Variants in POLM observed in about 807,000 individuals in gnomAD.
POLM encodes DNA polymerase mu, also known as DNA-directed DNA/RNA polymerase mu.
A neutral mutation model predicts 56.7 loss-of-function variants in POLM; 52 were observed. The observed-to-expected ratio is 0.92, with a 90% confidence interval of 0.73 to 1.15. The LOEUF is 1.15. Among genes scored for constraint, POLM ranks in the 50% most tolerant of loss-of-function variants. POLM has a pLI of 0.00. For synonymous variants in POLM, 273 were observed against 274.3 expected (o/e 1.00, Z 0.05); for missense variants, 660 against 663.6 (o/e 0.99, Z 0.06).
chr7:44,082,417 C>G lies in POLM; in HGVS notation c.22G>C (p.Ala8Pro). Residue 8 changes from alanine (A) to proline (P), a missense_variant, in exon 1 of 11, where the codon GCG (alanine) becomes CCG (proline). Coordinates refer to ENST00000242248, the MANE Select transcript of POLM (RefSeq NM_013284.4). ...TCGCCGCTAGGGGACCCGACCCGCGCTCGCCGCCGTTTGGGGAGCATTGGG... is the reference window on the plus strand; with the variant it reads ...TCGCCGCTAGGGGACCCGACCCGCGGTCGCCGCCGTTTGGGGAGCATTGGG... MLPKRRR[A>P]RVGSPSGDAA... The G allele has an allele frequency of 6.8e-7, 1 of 1,463,422 alleles. No individual in the cohort carries two copies. The highest frequency in any genetic ancestry group is 9.0e-7 in the Non-Finnish European group (1 of 1,116,810). 90.7% of individuals were successfully genotyped at this position (1,463,422 alleles called of 1,614,324 possible).
At chr7:44,077,246 G>A (rs947759109) in intron 5 of POLM, among the ~76,000 whole-genome samples, 1 of 152,242 alleles carries the variant, frequency 6.6e-6, no homozygotes, top group Non-Finnish European at 1.5e-5. Context: ...ACCTTTTGTG[G>A]CCACATTTCC....
At position 44,080,757 on chromosome 7, in the gene POLM, A is replaced by C; in HGVS notation, c.348T>G (p.Pro116=). The change falls in exon 2 of 11, where the codon CCT becomes CCG. Residue 116 remains proline (P), a synonymous_variant. Transcript: ENST00000242248. ...CCTCCAGGCGGTGCCGGCACTCCAC[A>C]GGTACAGGCTGCCCAGCTCCCAGGC... ...TESLGAGQPV[P]VECRHRLEVA... The C allele has an allele frequency of 6.2e-7, 1 of 1,614,110 alleles. No individual in the cohort carries two copies. The highest frequency in any genetic ancestry group is 8.5e-7 in the Non-Finnish European group (1 of 1,179,988).
rs753042879 is a variant in POLM, at chr7:44,076,620, G to A, written c.724C>T (p.Gln242Ter). The A allele has an allele frequency of 1.9e-6, 3 of 1,614,038 alleles. No homozygotes were observed. The highest frequency in any genetic ancestry group is 2.2e-5 in the East Asian group (1 of 44,876). ...ERYQTMKLFT[Q>*]IFGVGVKTAD... ...GTCTTCACACCGACCCCGAAGATCT[G>A]GGTGAAGAGCTGTGGGGAAGGAGCG... Residue 242 changes from glutamine (Q) to a stop codon, truncating the protein, a stop_gained, in exon 6 of 11, where the codon CAG becomes TAG. Coordinates refer to ENST00000242248, the MANE Select transcript of POLM (RefSeq NM_013284.4). LOFTEE classifies it high-confidence loss of function.
chr7:44,079,590 T>G lies in POLM; in HGVS notation c.623A>C (p.His208Pro). The G allele has an allele frequency of 6.3e-7, 1 of 1,598,100 alleles. No individual in the cohort carries two copies. The highest frequency in any genetic ancestry group is 1.1e-5 in the South Asian group (1 of 90,846). Residue 208 changes from histidine (H) to proline (P), a missense_variant, in exon 4 of 11, where the codon CAC (histidine) becomes CCC (proline). Transcript: ENST00000242248. ...ACCTACCTGGACAACCCTAGAGGAG[T>G]GTTCTCCAAAGTGGGGAAGCCCCTG... is the stretch of plus-strand genomic sequence containing the variant. ...QLQGLPHFGE[H>P]SSRVVQELLE...
At chr7:44,076,790 G>C (rs970595536) in intron 5 of POLM, 161 bp from the exon 6 acceptor site, 3 of 827,918 alleles carry the variant, frequency 3.6e-6, no homozygotes, top group Non-Finnish European at 5.6e-6. Flanking sequence ...TTCAAACCTG[G>C]AGCCTGACTA....
In POLM at chr7:44,072,183, G is replaced by A. The variant is rs982092247; in HGVS notation, c.*1108C>T. On this transcript the variant is annotated 3_prime_UTR_variant, in exon 11 of 11. Coordinates refer to ENST00000242248, the MANE Select transcript of POLM (RefSeq NM_013284.4). ...ACATGACCACAATAGGACAGCATGG[G>A]AAGTGTTCTGGGGATGGACCTGGTG... The A allele has an allele frequency of 6.6e-6, 1 of 152,264 alleles. No individual in the cohort carries two copies. The highest frequency in any genetic ancestry group is 2.4e-5 in the African/African-American group (1 of 41,446). 9.4% of individuals were successfully genotyped at this position (152,264 alleles called of 1,614,324 possible).
chr7:44,078,835 C>T, intron 4 of POLM, 24 bp from the exon 5 acceptor site: 3 of 1,601,970 alleles, frequency 1.9e-6, no homozygotes, highest in Non-Finnish European at 2.6e-6. Context: ...CAAAGCAGAA[C>T]TCTAAGCCTG....
intron 10 of POLM, 68 bp downstream of exon 10, chr7:44,073,557 A>G (rs919674189): frequency 1.2e-6 from 2 of 1,606,290 alleles, no homozygotes; most frequent in African/African-American, 2.7e-5. Flanking sequence ...GTCTGGGGCC[A>G]TTTCAGATTG....
intron 5 of POLM, 180 bp from the exon 6 acceptor site, chr7:44,076,809 G>A (rs1031392361): frequency 7.2e-6 from 5 of 689,804 alleles, no homozygotes; most frequent in Non-Finnish European, 7.2e-6. Flanking sequence ...TACCCAGCCT[G>A]CCGTCTCTGG....
In POLM at chr7:44,078,652, T is replaced by C. The variant is rs187118846; in HGVS notation, c.714+88A>G. On this transcript the variant is annotated intron_variant, in intron 5 of 10. Transcript: ENST00000242248. ...ACCCCTGGGCTGGGTCAGCTGCCCC[T>C]GTTTGCCTCCCCGTGCATGGTGTGG... 7.3e-6 allele frequency: 9 copies of C among 1,239,064 alleles called. No individual in the cohort carries two copies. In the East Asian group the frequency reaches 1.2e-4, roughly 16 times the overall value. 76.8% of individuals were successfully genotyped at this position (1,239,064 alleles called of 1,614,324 possible). A position where few individuals can be genotyped will look rare whatever the true frequency, so the allele number is the denominator to read the frequency against.
chr7:44,073,128 G>T lies in POLM; in HGVS notation c.*163C>A. On this transcript the variant is annotated 3_prime_UTR_variant, in exon 11 of 11. Transcript: ENST00000242248. ...CACACCCTGCAGCACACCAGCAGGG[G>T]CTCAACTGATCCTGCAGGCACAATT... 1 of 1,500,624 alleles carries T rather than the reference G, an allele frequency of 6.7e-7. No individual in the cohort carries two copies. Among genetic ancestry groups the T allele is most frequent in the Non-Finnish European group, 8.9e-7 (1 of 1,124,834 alleles). 93.0% of individuals were successfully genotyped at this position (1,500,624 alleles called of 1,614,324 possible). A position where few individuals can be genotyped will look rare whatever the true frequency, so the allele number is the denominator to read the frequency against.
Position 44,082,501 on chromosome 7 carries a change from G to T in POLM, c.-63C>A. ...AGGGAAACTCCGAGCGAGACGGAAG[G>T]AAGCCCCAGTGAGGCTGACGGAAGC... On this transcript the variant is annotated 5_prime_UTR_variant, in exon 1 of 11. Coordinates refer to ENST00000242248, the MANE Select transcript of POLM (RefSeq NM_013284.4). The T allele has an allele frequency of 2.9e-6, 1 of 347,076 alleles. No homozygotes were observed. The allele number at this position is 347,076 out of a possible 1,614,324, so 21.5% of individuals were successfully genotyped here.
Position 44,080,747 on chromosome 7 carries a change from G to A in POLM, c.358C>T (p.Arg120Trp), listed in dbSNP as rs769788085. The A allele has an allele frequency of 2.2e-5, 36 of 1,614,052 alleles. No individual in the cohort carries two copies. The highest frequency in any genetic ancestry group is 1.9e-4 in the South Asian group (17 of 91,072). ...ACCCAGCTCACCTCCAGGCGGTGCC[G>A]GCACTCCACAGGTACAGGCTGCCCA... ...GAGQPVPVEC[R>W]HRLEVAGPRK... is the part of the protein sequence containing the mutation. The change falls in exon 2 of 11, where the codon CGG (arginine) becomes TGG (tryptophan). Residue 120 changes from arginine (R) to tryptophan (W), a missense_variant. Coordinates refer to ENST00000242248, the MANE Select transcript of POLM (RefSeq NM_013284.4).
At chr7:44,076,428 C>T in intron 6 of POLM, 81 bp downstream of exon 6, 1 of 1,573,754 alleles carries the variant, frequency 6.4e-7, no homozygotes, top group East Asian at 2.2e-5. Context: ...AGACTGCTCC[C>T]TTCCCTCTAG....
intron 6 of POLM, 88 bp downstream of exon 6, chr7:44,076,421 C>G (rs1336890614): frequency 6.4e-7 from 1 of 1,554,718 alleles, no homozygotes; most frequent in East Asian, 2.3e-5. Context: ...CTGCACCAGA[C>G]TGCTCCCTTC....
Position 44,082,296 on chromosome 7 carries a change from G to A in POLM, c.143C>T (p.Thr48Ile), listed in dbSNP as rs959505779. The A allele has an allele frequency of 1.3e-6, 2 of 1,552,796 alleles. No homozygotes were observed. Among genetic ancestry groups the A allele is most frequent in the Non-Finnish European group, 1.7e-6 (2 of 1,156,680 alleles). Residue 48 changes from threonine to isoleucine, a missense_variant, in exon 1 of 11, where the codon ACA becomes ATA. Coordinates refer to ENST00000242248, the MANE Select transcript of POLM (RefSeq NM_013284.4). Reference sequence around the variant, plus strand: ...GAAGCCTTTGGAGCGCGCCAGGCCTGTGAGGAAGGCCCGGCGGCTGCGACC... The same window carrying A: ...GAAGCCTTTGGAGCGCGCCAGGCCTATGAGGAAGGCCCGGCGGCTGCGACC... The part of the protein sequence containing the change: ...RMGRSRRAFL[T>I]GLARSKGFRV...
chr7:44,079,858 TACGGAGA>T lies in POLM; in HGVS notation c.467_471+2del. 6.2e-7 allele frequency: 1 copy of T among 1,613,958 alleles called. No homozygotes were observed. The highest frequency in any genetic ancestry group is 8.5e-7 in the Non-Finnish European group (1 of 1,179,892). The stretch of plus-strand genomic sequence containing the variant: ...CTGGCCAAGGCTCATAGAAGCGGCT[TACGGAGA>T]GGCCAGTGTTGTGGTGTGTGAGGGG... On this transcript the variant is annotated splice_donor_variant and coding_sequence_variant, in exon 3 of 11. Transcript: ENST00000242248. LOFTEE classifies it high-confidence loss of function.
chr7:44,073,752 C>T, intron 9 of POLM, 31 bp downstream of exon 9: 7 of 1,613,964 alleles, frequency 4.3e-6, no homozygotes, highest in Non-Finnish European at 5.9e-6. Context: ...CCCAGCCCCA[C>T]CCCCAGGCGG....
rs561352132 is a variant in POLM, at chr7:44,082,491, G to T, written c.-53C>A. The T allele has an allele frequency of 2.8e-6, 2 of 705,258 alleles. No homozygotes were observed. The highest frequency in any genetic ancestry group is 6.2e-5 in the Admixed American group (1 of 16,152). 43.7% of individuals were successfully genotyped at this position (705,258 alleles called of 1,614,324 possible). A position where few individuals can be genotyped will look rare whatever the true frequency, so the allele number is the denominator to read the frequency against. ...GCGAACGCAGAGGGAAACTCCGAGC[G>T]AGACGGAAGGAAGCCCCAGTGAGGC... On this transcript the variant is annotated 5_prime_UTR_variant, in exon 1 of 11. Coordinates refer to ENST00000242248, the MANE Select transcript of POLM (RefSeq NM_013284.4).
Sources: gnomAD v4.1 joint callset for allele counts (sites outside exome capture counted in the v4.1 genomes callset) on GRCh38, gnomAD v4.1.1 for gene constraint, MANE v1.5 for transcripts, NCBI Gene and HGNC (gene_info 2026-07-23, HGNC 2026-07-21) for gene names.